Variants in ATPSCKMT observed in about 807,000 individuals in gnomAD.
The protein encoded by ATPSCKMT is ATP synthase subunit C lysine N-methyltransferase.
A neutral mutation model predicts 24.3 loss-of-function variants in ATPSCKMT; 24 were observed. The observed-to-expected ratio is 0.99, with a 90% CI of 0.71 to 1.39. The LOEUF (loss-of-function observed/expected upper bound fraction) is 1.39, where lower values mean the gene tolerates loss of function less well. Among genes scored for constraint, ATPSCKMT ranks in the 40% most tolerant of loss-of-function variants. The pLI, the probability that ATPSCKMT is intolerant of heterozygous loss-of-function variation, is 0.00. For synonymous variants in ATPSCKMT, 95 were observed against 110.5 expected, an observed-to-expected ratio of 0.86 and a Z score of 0.88; for missense variants, 311 against 298.4, an observed-to-expected ratio of 1.04 and a Z score of -0.31.
chr5:10,236,743 C>T (rs935205856), intron 2 of ATPSCKMT, 128 bp from the exon 3 acceptor site: 41 of 1,471,796 alleles, frequency 2.8e-5, no homozygotes, highest in African/African-American at 4.2e-5. Flanking sequence ...ACTAAGACAT[C>T]ATTTTAAAAT....
chr5:10,246,412 C>T (rs1373409361), intron 1 of ATPSCKMT, among the ~76,000 whole-genome samples: 1 of 150,636 alleles, frequency 6.6e-6, no homozygotes, highest in African/African-American at 2.4e-5. Context: ...CACTGCACTC[C>T]AGCCTGGGAG....
At chr5:10,248,573 G>A (rs1579437936) in intron 1 of ATPSCKMT, 1 of 152,424 alleles carries the variant, frequency 6.6e-6, no homozygotes, top group African/African-American at 2.4e-5. Context: ...TTTAGAGACA[G>A]AATCTCGCTC....
intron 1 of ATPSCKMT, among the ~76,000 whole-genome samples, chr5:10,245,437 T>G (rs1744871853): frequency 6.6e-6 from 1 of 150,582 alleles, no homozygotes; most frequent in Non-Finnish European, 1.5e-5. Context: ...AATAATAAAA[T>G]AAAATAAATA....
At position 10,230,314 on chromosome 5, in the gene ATPSCKMT, A is replaced by T. The variant is rs769177252; in HGVS notation, c.496-2667T>A. On this transcript the variant is annotated intron_variant, in intron 4 of 4. Coordinates refer to ENST00000511437, the MANE Select transcript of ATPSCKMT (RefSeq NM_199133.4). Reference sequence around the variant, plus strand: ...CCTTGAGGGAAAAATTAAATAAGCAAAGAATGAAACAATATGTGTTTTTCC... The same window carrying T: ...CCTTGAGGGAAAAATTAAATAAGCATAGAATGAAACAATATGTGTTTTTCC... Among the ~76,000 whole-genome samples, 161 of 152,334 alleles carry T rather than the reference A, an allele frequency of 1.1e-3. 1 individual carries two copies. Among genetic ancestry groups the T allele is most frequent in the Non-Finnish European group, 1.9e-3 (128 of 68,032 alleles).
intron 1 of ATPSCKMT, among the ~76,000 whole-genome samples, chr5:10,247,373 C>A (rs1313900326): frequency 6.6e-6 from 1 of 152,236 alleles, no homozygotes; most frequent in Non-Finnish European, 1.5e-5. Context: ...TGGGGTCTCA[C>A]TCTGTCGTCC....
chr5:10,235,927 A>G (rs1256046792), intron 3 of ATPSCKMT, among the ~76,000 whole-genome samples: 1 of 152,238 alleles, frequency 6.6e-6, no homozygotes, highest in Non-Finnish European at 1.5e-5. Flanking sequence ...TGACAATATT[A>G]CAATGGAAAA....
chr5:10,227,789 TAAAC>T (rs1213687496), intron 4 of ATPSCKMT, 142 bp from the exon 5 acceptor site: 3 of 682,158 alleles, frequency 4.4e-6, no homozygotes, highest in Admixed American at 4.8e-5. Flanking sequence ...CACAAACACA[TAAAC>T]AAACAATCCA....
intron 4 of ATPSCKMT, among the ~76,000 whole-genome samples, chr5:10,231,726 A>G (rs1315832989): frequency 6.6e-6 from 1 of 152,050 alleles, no homozygotes; most frequent in African/African-American, 2.4e-5. Context: ...TCTCCCCACT[A>G]GCATATGAGC....
rs1324914180 is a variant in ATPSCKMT at position 10,227,596 on chromosome 5, C to G, written c.547G>C (p.Val183Leu). The G allele has an allele frequency of 3.7e-6, 6 of 1,614,108 alleles. No individual in the cohort carries two copies. Among genetic ancestry groups the G allele is most frequent in the South Asian group, 2.2e-5 (2 of 91,090 alleles). Reference sequence around the variant, plus strand: ...GGGAAAGGGAACCGGCAAGCAATAACTCGTGCATCATCCTCAAGTTCACGT... The same window carrying G: ...GGGAAAGGGAACCGGCAAGCAATAAGTCGTGCATCATCCTCAAGTTCACGT... Reference protein sequence around the residue: ...LERELEDDARVIACRFPFPHW... With the variant: ...LERELEDDARLIACRFPFPHW... Residue 183 changes from valine (V) to leucine (L), a missense_variant, in exon 5 of 5, where the codon GTT becomes CTT. By Grantham distance (32) the Val-to-Leu change is conservative (BLOSUM62 1). Coordinates refer to ENST00000511437, the MANE Select transcript of ATPSCKMT (RefSeq NM_199133.4).
Position 10,245,222 on chromosome 5 carries a change from T to C in ATPSCKMT, c.16+4636A>G, listed in dbSNP as rs552987878. Among the ~76,000 whole-genome samples, 9 of 151,266 alleles carry C rather than the reference T, an allele frequency of 5.9e-5. No individual in the cohort carries two copies. In the South Asian group the frequency reaches 8.4e-4, roughly 14 times the overall value. ...GATCATGAGGTCAGGAGATTGAGACTATCCTGGCTAACACAGTGAAACCCT... is the reference window on the plus strand; with the variant it reads ...GATCATGAGGTCAGGAGATTGAGACCATCCTGGCTAACACAGTGAAACCCT... On this transcript the variant is annotated intron_variant, in intron 1 of 4. Coordinates refer to ENST00000511437, the MANE Select transcript of ATPSCKMT (RefSeq NM_199133.4).
chr5:10,229,265 G>A (rs889637630), intron 4 of ATPSCKMT, among the ~76,000 whole-genome samples: 3 of 152,124 alleles, frequency 2.0e-5, no homozygotes, highest in African/African-American at 4.8e-5. Context: ...CTCCTTAGAC[G>A]GAAAACAGTT....
At position 10,225,649 on chromosome 5, in the gene ATPSCKMT, C is replaced by G. The variant is rs1743846866; in HGVS notation, c.*1792G>C. ...AGATCTCATTAAACTTACTCACTATCATGAGAACAGCACAGGAAAGACCTG... is the reference window on the plus strand; with the variant it reads ...AGATCTCATTAAACTTACTCACTATGATGAGAACAGCACAGGAAAGACCTG... On this transcript the variant is annotated 3_prime_UTR_variant, in exon 5 of 5. Coordinates refer to ENST00000511437, the MANE Select transcript of ATPSCKMT (RefSeq NM_199133.4). Among the ~76,000 whole-genome samples, 1 of 152,166 alleles carries G rather than the reference C, an allele frequency of 6.6e-6. No homozygotes were observed. Among genetic ancestry groups the G allele is most frequent in the Admixed American group, 6.5e-5 (1 of 15,278 alleles).
chr5:10,229,756 A>G (rs1744038193), intron 4 of ATPSCKMT, among the ~76,000 whole-genome samples: 1 of 152,238 alleles, frequency 6.6e-6, no homozygotes, highest in African/African-American at 2.4e-5. Context: ...TGCTATAAGG[A>G]CAAACACCTA....
intron 3 of ATPSCKMT, 151 bp downstream of exon 3, chr5:10,236,327 G>C (rs541777153): frequency 1.1e-6 from 1 of 938,374 alleles, no homozygotes; most frequent in Non-Finnish European, 1.5e-6. Flanking sequence ...TTTGTAAAAC[G>C]TATCAATTTT....
rs529538408 is a variant in ATPSCKMT at position 10,228,915 on chromosome 5, C to T, written c.496-1268G>A. On this transcript the variant is annotated intron_variant, in intron 4 of 4. Coordinates refer to ENST00000511437, the MANE Select transcript of ATPSCKMT (RefSeq NM_199133.4). ...AAAGTGTTGGGACTACAGGCGTGAG[C>T]CACTGCAGCTGGCCTACAGGTTTAC... Among the ~76,000 whole-genome samples the T allele has an allele frequency of 1.5e-4, 23 of 152,314 alleles. No homozygotes were observed. The South Asian group carries it at 4.8e-3, about 32-fold the overall frequency.
Position 10,227,584 on chromosome 5 carries a change from G to A in ATPSCKMT, c.559C>T (p.Arg187Trp), listed in dbSNP as rs763544481. 71 of 1,614,062 alleles carry A rather than the reference G, an allele frequency of 4.4e-5. No individual in the cohort carries two copies. Among genetic ancestry groups the A allele is most frequent in the Middle Eastern group, 1.6e-4 (1 of 6,084 alleles). ...LEDDARVIAC[R>W]FPFPHWTPDH... ...GGAGTCCAATGTGGGAAAGGGAACC[G>A]GCAAGCAATAACTCGTGCATCATCC... The change falls in exon 5 of 5, where the codon CGG becomes TGG. Residue 187 changes from arginine to tryptophan, a missense_variant. By Grantham distance (101) the Arg-to-Trp change is moderately radical (BLOSUM62 -3). Transcript: ENST00000511437.
chr5:10,240,189 G>C (rs1295040298), intron 1 of ATPSCKMT, among the ~76,000 whole-genome samples: 1 of 150,486 alleles, frequency 6.6e-6, no homozygotes, highest in Non-Finnish European at 1.5e-5. Flanking sequence ...AGCCGAGATC[G>C]CACCACTGCA....
rs955762354 is a variant in ATPSCKMT, at chr5:10,239,105, C to T, written c.268G>A (p.Gly90Arg). The change falls in exon 2 of 5, where the codon GGA becomes AGA. Residue 90 changes from glycine (G) to arginine (R), a missense_variant. Gly to Arg is a moderately radical substitution (Grantham distance 125). Coordinates refer to ENST00000511437, the MANE Select transcript of ATPSCKMT (RefSeq NM_199133.4). ...CCACTACCGATGTCCACAAGGGATC[C>T]TCTTCGGCATCGCAACATTTTCACA... ...NVVKMLRCRR[G>R]SLVDIGSGDG... 3.1e-6 allele frequency: 5 copies of T among 1,614,080 alleles called. No homozygotes were observed. Among genetic ancestry groups the T allele is most frequent in the Non-Finnish European group, 3.4e-6 (4 of 1,180,048 alleles).
At chr5:10,238,588 G>C (rs898958794) in intron 2 of ATPSCKMT, among the ~76,000 whole-genome samples, 1 of 152,356 alleles carries the variant, frequency 6.6e-6, no homozygotes, top group East Asian at 1.9e-4. Context: ...GGTCAAGTGA[G>C]AGAAGTTCAT....
Sources: allele counts gnomAD v4.1 joint callset (sites outside exome capture counted in the v4.1 genomes callset), GRCh38; gene constraint gnomAD v4.1.1; transcripts MANE v1.5; gene names NCBI Gene and HGNC (gene_info 2026-07-23, HGNC 2026-07-21).